The following MORC3 variants were observed in gnomAD, a reference collection of about 807,000 sequenced individuals.
The protein encoded by MORC3 is MORC family CW-type zinc finger 3.
A neutral mutation model predicts 109.1 loss-of-function variants in MORC3; 31 were observed. The ratio of observed to expected loss-of-function variants is 0.28; its 90% confidence interval spans 0.21 to 0.38. MORC3 has a LOEUF of 0.38. Among genes scored for constraint, MORC3 ranks in the 10% least tolerant of loss-of-function variants. MORC3 has a pLI of 1.00. For synonymous variants in MORC3, 395 were observed against 380.7 expected, an observed-to-expected ratio of 1.04 and a Z score of -0.44; for missense variants, 867 against 1,135.8, an observed-to-expected ratio of 0.76 and a Z score of 3.40.
intron 15 of MORC3, among the ~76,000 whole-genome samples, chr21:36,370,888 C>A (rs181483236): frequency 6.6e-6 from 1 of 151,882 alleles, no homozygotes; most frequent in African/African-American, 2.4e-5. Flanking sequence ...AGGCTGATCT[C>A]AAACTCCTGA....
In MORC3 at chr21:36,356,652, A is replaced by G. The variant is rs2085648974; in HGVS notation, c.1136A>G (p.Asn379Ser). ...ATAACAGCACTAGGAGAAAAGCTGA[A>G]TGATTACTGGAATGAAATGAAAGTG... Reference protein sequence around the residue: ...LTITALGEKLNDYWNEMKVKK... With the variant: ...LTITALGEKLSDYWNEMKVKK... Residue 379 changes from asparagine to serine, a missense_variant, in exon 10 of 17, where the codon AAT (asparagine) becomes AGT (serine). By Grantham distance (46) the Asn-to-Ser change is conservative (BLOSUM62 1). Coordinates refer to ENST00000400485, the MANE Select transcript of MORC3 (RefSeq NM_015358.3). 1.2e-6 allele frequency: 2 copies of G among 1,606,580 alleles called. No homozygotes were observed. The highest frequency in any genetic ancestry group is 1.1e-5 in the South Asian group (1 of 89,240).
At chr21:36,358,025 G>A (rs2085665717) in intron 10 of MORC3, among the ~76,000 whole-genome samples, 1 of 151,940 alleles carries the variant, frequency 6.6e-6, no homozygotes, top group African/African-American at 2.4e-5. Context: ...ACAGGCGTGA[G>A]CCACCGCGCT....
chr21:36,339,516 A>AG (rs1221021146), intron 5 of MORC3: 46 of 147,660 alleles, frequency 3.1e-4, no homozygotes, highest in East Asian at 2.1e-3. Flanking sequence ...AAAAAAAAAA[A>AG]AAAAGAAAAA....
chr21:36,368,953 A>G, intron 14 of MORC3, 35 bp from the exon 15 acceptor site: 1 of 1,489,588 alleles, frequency 6.7e-7, no homozygotes, highest in Non-Finnish European at 9.0e-7. Context: ...TCCATATTTT[A>G]TAATCTTATG....
chr21:36,375,802 A>G lies in MORC3; in HGVS notation c.*506A>G, dbSNP rs1385317517. On this transcript the variant is annotated 3_prime_UTR_variant, in exon 17 of 17. Coordinates refer to ENST00000400485, the MANE Select transcript of MORC3 (RefSeq NM_015358.3). ...CTGGTTATAAGTGAATTGAGCATTAATGTTTCTTTTGTATAAATTCCTGTC... is the reference window on the plus strand; with the variant it reads ...CTGGTTATAAGTGAATTGAGCATTAGTGTTTCTTTTGTATAAATTCCTGTC... The G allele has an allele frequency of 6.6e-6, 1 of 152,662 alleles. No homozygotes were observed. Among genetic ancestry groups the G allele is most frequent in the Non-Finnish European group, 1.5e-5 (1 of 68,054 alleles). The allele number at this position is 152,662 out of a possible 1,614,324, so 9.5% of individuals were successfully genotyped here.
At chr21:36,372,698 A>G (rs1196685372) in intron 16 of MORC3, among the ~76,000 whole-genome samples, 167 bp downstream of exon 16, 3 of 152,244 alleles carry the variant, frequency 2.0e-5, no homozygotes, top group African/African-American at 7.2e-5. Flanking sequence ...ACACTTCATT[A>G]TCCTTCCTTT....
intron 3 of MORC3, among the ~76,000 whole-genome samples, 200 bp from the exon 4 acceptor site, chr21:36,337,532 G>A (rs1402086306): frequency 2.6e-5 from 4 of 151,858 alleles, no homozygotes; most frequent in South Asian, 2.1e-4. Flanking sequence ...TAATCTGCCC[G>A]ATACATAAAA....
At position 36,338,904 on chromosome 21, in the gene MORC3, C is replaced by A; in HGVS notation, c.591C>A (p.Ile197=). Residue 197 remains isoleucine (I), a synonymous_variant, in exon 5 of 17, where the codon ATC becomes ATA. Coordinates refer to ENST00000400485, the MANE Select transcript of MORC3 (RefSeq NM_015358.3). ...AIIGKKGTRI[I]IWNLRSYKNA... ...TAGGCAAGAAGGGGACGAGGATCAT[C>A]ATTTGGAATCTTAGAAGGTAAACGT... 1 of 1,613,870 alleles carries A rather than the reference C, an allele frequency of 6.2e-7. No homozygotes were observed. The highest frequency in any genetic ancestry group is 8.5e-7 in the Non-Finnish European group (1 of 1,179,912).
chr21:36,367,542 G>C (rs1381803040), intron 14 of MORC3, among the ~76,000 whole-genome samples: 1 of 152,170 alleles, frequency 6.6e-6, no homozygotes, highest in Non-Finnish European at 1.5e-5. Context: ...AAGAAGAAAA[G>C]ATACAGTATC....
chr21:36,344,567 G>A lies in MORC3; in HGVS notation c.757-12G>A. ...CCTGTAGATACTAACTTCTTGTTAT[G>A]TTATTTTCCAGGCTTATTGCAGTAT... On this transcript the variant is annotated splice_polypyrimidine_tract_variant and intron_variant, in intron 6 of 16. Transcript: ENST00000400485. The A allele has an allele frequency of 6.2e-7, 1 of 1,610,726 alleles. No homozygotes were observed. The highest frequency in any genetic ancestry group is 8.5e-7 in the Non-Finnish European group (1 of 1,178,484).
chr21:36,368,457 A>G (rs966122502), intron 14 of MORC3, among the ~76,000 whole-genome samples: 2 of 152,220 alleles, frequency 1.3e-5, no homozygotes, highest in African/African-American at 4.8e-5. Context: ...TGGTACTTCA[A>G]AGAGATCTCA....
rs759843621 is a variant in MORC3, at chr21:36,372,368, TG to T, written c.2509-5del. On this transcript the variant is annotated splice_region_variant and splice_polypyrimidine_tract_variant and intron_variant, in intron 15 of 16. Transcript: ENST00000400485. ...CAGTTATAAAGCTCATTTATATTTT[TG>T]TTAGGTTGAATTGCTGGAAATGGAA... The T allele has an allele frequency of 6.4e-7, 1 of 1,556,294 alleles. No homozygotes were observed. The highest frequency in any genetic ancestry group is 1.2e-5 in the South Asian group (1 of 81,438).
chr21:36,323,732 A>G (rs1254535547), intron 1 of MORC3, among the ~76,000 whole-genome samples: 1 of 152,162 alleles, frequency 6.6e-6, no homozygotes, highest in African/African-American at 2.4e-5. Flanking sequence ...TTAGCCTGGA[A>G]GCTCAAGTCC....
At chr21:36,346,329 ATT>A (rs2085507244) in intron 8 of MORC3, among the ~76,000 whole-genome samples, 1 of 152,186 alleles carries the variant, frequency 6.6e-6, no homozygotes, top group South Asian at 2.1e-4. Flanking sequence ...TAGTATATTA[ATT>A]TTGTATTTGA....
At chr21:36,354,174 G>A (rs1241490573) in intron 9 of MORC3, among the ~76,000 whole-genome samples, 1 of 152,068 alleles carries the variant, frequency 6.6e-6, no homozygotes, top group Middle Eastern at 3.2e-3. Context: ...CGTAGTCTTC[G>A]TGTTGAGTAG....
intron 1 of MORC3, among the ~76,000 whole-genome samples, chr21:36,328,429 C>CCTA (rs2085274858): frequency 6.6e-6 from 1 of 151,110 alleles, no homozygotes; most frequent in South Asian, 2.1e-4. Context: ...GCAGTCTCCA[C>CCTA]CTACTGGGTT....
chr21:36,338,030 A>G, intron 4 of MORC3, 84 bp downstream of exon 4: 1 of 1,399,042 alleles, frequency 7.1e-7, no homozygotes, highest in East Asian at 2.3e-5. Flanking sequence ...CTTCTTCCAG[A>G]TTATTCCCTT....
At chr21:36,361,044 C>G (rs1051418126) in intron 12 of MORC3, among the ~76,000 whole-genome samples, 21 of 149,216 alleles carry the variant, frequency 1.4e-4, no homozygotes, top group African/African-American at 5.2e-4. Flanking sequence ...TGCACTCCAG[C>G]TTGGGCAACA....
In MORC3 at chr21:36,361,072, T is replaced by TAA. The variant is rs36107591; in HGVS notation, c.1406+828_1406+829dup. On this transcript the variant is annotated intron_variant, in intron 12 of 16. Transcript: ENST00000400485. Reference sequence around the variant, plus strand: ...GGGCAACAAGAGTGAGACTCTATCTTAAAAAAAAAAAAAAAGATAGTGGAA... The same window carrying TAA: ...GGGCAACAAGAGTGAGACTCTATCTTAAAAAAAAAAAAAAAAAGATAGTGGAA... 7.9e-5 allele frequency among the ~76,000 whole-genome samples: 11 copies of TAA among 139,318 alleles called. No homozygotes were observed. The South Asian group carries it at 1.6e-3, about 20-fold the overall frequency. The allele number at this position is 139,318 out of a possible 152,430, so 91.4% of individuals were successfully genotyped here. A position where few individuals can be genotyped will look rare whatever the true frequency, so the allele number is the denominator to read the frequency against.
Sources: gnomAD v4.1 joint callset for allele counts (sites outside exome capture counted in the v4.1 genomes callset) on GRCh38, gnomAD v4.1.1 for gene constraint, MANE v1.5 for transcripts, NCBI Gene and HGNC (gene_info 2026-07-23, HGNC 2026-07-21) for gene names.